Variants in OPRM1 observed in about 807,000 individuals in gnomAD.
OPRM1 encodes the protein mu-type opioid receptor.
In OPRM1, 27 loss-of-function variants were observed where a neutral mutation model predicts 31.8. The ratio of observed to expected loss-of-function variants is 0.85; its 90% CI spans 0.63 to 1.17. OPRM1 has a LOEUF of 1.17. OPRM1 is among the 50% of genes most tolerant of loss of function. The pLI, the probability that OPRM1 is intolerant of heterozygous loss-of-function variation, is 0.00. For missense variants in OPRM1, 536 were observed against 511.1 expected (o/e 1.05, Z -0.47); for synonymous variants, 196 against 189.9 (o/e 1.03, Z -0.26).
In OPRM1 at chr6:154,117,677, G is replaced by A. The variant is rs189031944; in HGVS notation, c.1165-1006G>A. On this transcript the variant is annotated intron_variant, in intron 3 of 3. Transcript: ENST00000330432. Reference sequence around the variant, plus strand: ...TGCCTGTGTGACCAGCTACAGAAATGATCAGAGTCAGAGGACAGTTAGACC... The same window carrying A: ...TGCCTGTGTGACCAGCTACAGAAATAATCAGAGTCAGAGGACAGTTAGACC... Among the ~76,000 whole-genome samples the A allele has an allele frequency of 2.6e-3, 397 of 152,274 alleles. 2 individuals carry two copies. Among genetic ancestry groups the A allele is most frequent in the African/African-American group, 9.1e-3 (379 of 41,558 alleles).
intron 3 of OPRM1, among the ~76,000 whole-genome samples, chr6:154,189,748 C>A (rs1447121613): frequency 1.3e-5 from 2 of 151,964 alleles, no homozygotes; most frequent in East Asian, 3.9e-4. Flanking sequence ...GTGGGTGGAT[C>A]ACCTGAGGTC....
chr6:154,192,537 T>C (rs921647998), intron 3 of OPRM1, among the ~76,000 whole-genome samples: 1 of 152,162 alleles, frequency 6.6e-6, no homozygotes, highest in Non-Finnish European at 1.5e-5. Context: ...AAAAAGCTTC[T>C]GCACAGCAAA....
In OPRM1 at chr6:154,168,875, G is replaced by A. The variant is rs1363740155; in HGVS notation, c.1164+77403G>A. 6.6e-6 allele frequency among the ~76,000 whole-genome samples: 1 copy of A among 151,922 alleles called. No individual in the cohort carries two copies. The highest frequency in any genetic ancestry group is 1.9e-4 in the East Asian group (1 of 5,130). ...CCCACCTTGGCCTCCCAAAGTGCTG[G>A]GATTACAGGTGTGAGCCACCACGCC... is the stretch of plus-strand genomic sequence containing the variant. On this transcript the variant is annotated intron_variant, in intron 3 of 3. Transcript: ENST00000337049. This position sits in a 1 kb window ranked among gnomAD's most constrained non-coding sequence, Gnocchi z 4.1.
chr6:154,116,631 A>T (rs1465015291), intron 3 of OPRM1, among the ~76,000 whole-genome samples: 1 of 151,882 alleles, frequency 6.6e-6, no homozygotes, highest in Non-Finnish European at 1.5e-5. Flanking sequence ...ATCTTCTTGG[A>T]TTTACCATAA....
At chr6:154,152,296 GAAGAAAGA>G (rs1165338713) in intron 3 of OPRM1, among the ~76,000 whole-genome samples, 118 of 96,594 alleles carry the variant, frequency 1.2e-3, no homozygotes, top group Non-Finnish European at 1.7e-3. Flanking sequence ...AAGGAAGAGA[GAAGAAAGA>G]AAGAAAGAAA....
Position 154,129,226 on chromosome 6 carries a change from G to T in OPRM1, c.*10505G>T, listed in dbSNP as rs532704381. ...AAGGGGTATGTGACAGGGGCTGCATGCACCGGTGGTCTGGGAGGAACAGAA... is the reference window on the plus strand; with the variant it reads ...AAGGGGTATGTGACAGGGGCTGCATTCACCGGTGGTCTGGGAGGAACAGAA... On this transcript the variant is annotated 3_prime_UTR_variant, in exon 4 of 4. Transcript: ENST00000330432. Among the ~76,000 whole-genome samples the T allele has an allele frequency of 2.7e-4, 41 of 152,338 alleles. No homozygotes were observed. The East Asian group carries it at 7.3e-3, about 27-fold the overall frequency.
chr6:154,033,862 T>G (rs1359646862), intron 1 of OPRM1, among the ~76,000 whole-genome samples: 1 of 152,172 alleles, frequency 6.6e-6, no homozygotes, highest in Admixed American at 6.5e-5. Context: ...GAAAGTTAAA[T>G]GGCTTTTTCA....
At chr6:154,033,066 G>T (rs1429857667) in intron 1 of OPRM1, among the ~76,000 whole-genome samples, 1 of 152,180 alleles carries the variant, frequency 6.6e-6, no homozygotes, top group East Asian at 1.9e-4. Context: ...TTAATAGAGA[G>T]AATGCTGGAA....
intron 3 of OPRM1, among the ~76,000 whole-genome samples, chr6:154,196,653 G>A (rs1481471417): frequency 6.6e-6 from 1 of 152,070 alleles, no homozygotes; most frequent in Non-Finnish European, 1.5e-5. Context: ...CATAAGTCAT[G>A]GTTCAAAAAA....
chr6:154,179,646 T>C (rs1231346839), intron 3 of OPRM1, among the ~76,000 whole-genome samples: 1 of 152,244 alleles, frequency 6.6e-6, no homozygotes, highest in Non-Finnish European at 1.5e-5. Context: ...GAAGGCACTT[T>C]AAAGTCTGTC....
At position 154,091,079 on chromosome 6, in the gene OPRM1, G is replaced by C. The variant is rs201750403; in HGVS notation, c.771G>C (p.Met257Ile). The change falls in exon 3 of 4, where the codon ATG becomes ATC. Residue 257 changes from methionine to isoleucine, a missense_variant. Transcript: ENST00000330432. ...TCATTACCGTGTGCTATGGACTGAT[G>C]ATCTTGCGCCTCAAGAGTGTCCGCA... ...VLIITVCYGL[M>I]ILRLKSVRML... 16 of 1,614,158 alleles carry C rather than the reference G, an allele frequency of 9.9e-6. No individual in the cohort carries two copies. The highest frequency in any genetic ancestry group is 1.4e-5 in the Non-Finnish European group (16 of 1,180,030).
intron 3 of OPRM1, among the ~76,000 whole-genome samples, chr6:154,212,534 C>A (rs1403661729): frequency 6.6e-6 from 1 of 152,198 alleles, no homozygotes; most frequent in African/African-American, 2.4e-5. Context: ...CTCATGAATT[C>A]TCTGAGTACG....
intron 3 of OPRM1, among the ~76,000 whole-genome samples, chr6:154,224,907 G>A (rs1299291685): frequency 6.6e-6 from 1 of 152,050 alleles, no homozygotes; most frequent in Non-Finnish European, 1.5e-5. Context: ...AGAATATAAG[G>A]TATTCAAAGA....
In OPRM1 at chr6:154,226,221, C is replaced by T. The variant is rs568253002; in HGVS notation, c.1165-20472C>T. On this transcript the variant is annotated intron_variant, in intron 3 of 3. Coordinates refer to the OPRM1 transcript ENST00000337049. ...CATCACTGTACACACATATCCAAAA[C>T]CCATACCTTGTATCACCACTGTCCA... Among the ~76,000 whole-genome samples, 12 of 152,318 alleles carry T rather than the reference C, an allele frequency of 7.9e-5. No individual in the cohort carries two copies. The South Asian group carries it at 1.7e-3, about 21-fold the overall frequency.
intron 3 of OPRM1, among the ~76,000 whole-genome samples, chr6:154,100,092 CATATT>C (rs68169905): frequency 0.013 from 778 of 58,264 alleles, 11 homozygotes; most frequent in East Asian, 0.036. Flanking sequence ...TATATATTAT[CATATT>C]ATGATATATA....
Position 154,246,532 on chromosome 6 carries a change from T to G in OPRM1, c.1165-161T>G, listed in dbSNP as rs9479798. The G allele has an allele frequency of 0.4, 603,595 of 1,521,538 alleles. 123,986 individuals are homozygous for G. The highest frequency in any genetic ancestry group is 0.45 in the Middle Eastern group (2,553 of 5,634). The allele number at this position is 1,521,538 out of a possible 1,614,324, so 94.3% of individuals were successfully genotyped here. A position where few individuals can be genotyped will look rare whatever the true frequency, so the allele number is the denominator to read the frequency against. On this transcript the variant is annotated intron_variant, in intron 3 of 3. Transcript: ENST00000337049. ...GAACTTTCCCATAGGGATCACCTGA[T>G]GCCTTTAACGTATCCCTCATTAAAA...
At chr6:154,141,697 C>A (rs554297451) in intron 3 of OPRM1, among the ~76,000 whole-genome samples, 1 of 152,298 alleles carries the variant, frequency 6.6e-6, no homozygotes, top group South Asian at 2.1e-4. Flanking sequence ...GCGAAGCGGG[C>A]AAAGGGCTTC....
At chr6:154,175,247 A>T (rs1800215705) in intron 3 of OPRM1, among the ~76,000 whole-genome samples, 1 of 152,184 alleles carries the variant, frequency 6.6e-6, no homozygotes, top group South Asian at 2.1e-4. Context: ...ACACCCTAAC[A>T]TCACAATTAA....
chr6:154,149,006 C>A (rs1798426756), intron 3 of OPRM1, among the ~76,000 whole-genome samples: 1 of 152,166 alleles, frequency 6.6e-6, no homozygotes, highest in Non-Finnish European at 1.5e-5. Context: ...TTCCCCTTCC[C>A]CATTGTACAC....
Sources: gnomAD v4.1 joint callset for allele counts (sites outside exome capture counted in the v4.1 genomes callset) on GRCh38, gnomAD v4.1.1 for gene constraint, Gnocchi (gnomAD v3.1) non-coding constraint, MANE v1.5 for transcripts, NCBI Gene and HGNC (gene_info 2026-07-23, HGNC 2026-07-21) for gene names.